CDON: variants seen among roughly 807,000 people sequenced by gnomAD.
CDON encodes cell adhesion associated, oncogene regulated.
In CDON, 73 loss-of-function variants were observed where a neutral mutation model predicts 120.9. The ratio of observed to expected loss-of-function variants is 0.60; its 90% CI spans 0.50 to 0.73. The LOEUF (loss-of-function observed/expected upper bound fraction) is 0.73, where lower values mean the gene tolerates loss of function less well. CDON is among the 30% of genes least tolerant of loss of function. CDON has a pLI of 0.00. For missense variants in CDON, 1,470 were observed against 1,587.3 expected (o/e 0.93, Z 1.26); for synonymous variants, 566 against 573.5 (o/e 0.99, Z 0.19).
chr11:125,985,672 C>T (rs1323643773), intron 15 of CDON, among the ~76,000 whole-genome samples: 2 of 152,168 alleles, frequency 1.3e-5, no homozygotes, highest in African/African-American at 2.4e-5. Flanking sequence ...AGAAGCAAAG[C>T]AGCTTTTTAA....
chr11:125,994,376 C>G lies in CDON; in HGVS notation c.2558G>C (p.Ser853Thr). The change falls in exon 14 of 20, where the codon AGT becomes ACT. Residue 853 changes from serine (S) to threonine (T), a missense_variant. Physicochemically the swap from Ser to Thr is moderately conservative, Grantham distance 58. Coordinates refer to ENST00000531738, the MANE Select transcript of CDON (RefSeq NM_001378964.1). ...IMLKWTYIPS[S>T]NNNTPIQGFY... ...TCCTTGAATGGGAGTGTTATTGTTA[C>G]TTGATGGAATGTACTAAAAAACAGA... 4 of 1,552,536 alleles carry G rather than the reference C, an allele frequency of 2.6e-6. No homozygotes were observed. Among genetic ancestry groups the G allele is most frequent in the Non-Finnish European group, 3.6e-6 (4 of 1,123,970 alleles).
At chr11:126,000,913 G>C (rs1946925012) in intron 11 of CDON, among the ~76,000 whole-genome samples, 1 of 152,028 alleles carries the variant, frequency 6.6e-6, no homozygotes, top group Non-Finnish European at 1.5e-5. Context: ...ATCACAAAAA[G>C]CACACCTGGC....
rs1427049715 is a variant in CDON, at chr11:126,015,052, C to T, written c.1198+189G>A. On this transcript the variant is annotated intron_variant, in intron 7 of 19. Coordinates refer to ENST00000531738, the MANE Select transcript of CDON (RefSeq NM_001378964.1). ...TTTTTTAAAAACTTTTTTTAATGAG[C>T]TTGATTAATAAGATTACTTCTTCAT... 3 of 630,566 alleles carry T rather than the reference C, an allele frequency of 4.8e-6. No homozygotes were observed. The African/African-American group carries it at 5.5e-5, about 12-fold the overall frequency. 39.1% of individuals were successfully genotyped at this position (630,566 alleles called of 1,614,324 possible).
intron 14 of CDON, among the ~76,000 whole-genome samples, chr11:125,993,680 A>G (rs1352362674): frequency 1.3e-5 from 2 of 152,216 alleles, no homozygotes; most frequent in African/African-American, 2.4e-5. Flanking sequence ...AGTGCACACA[A>G]GGAAACTGAA....
At chr11:125,988,393 T>C (rs995833960) in intron 15 of CDON, among the ~76,000 whole-genome samples, 4 of 152,168 alleles carry the variant, frequency 2.6e-5, no homozygotes, top group African/African-American at 9.7e-5. Context: ...TTTTTTCTTT[T>C]GAGACAAGGT....
intron 8 of CDON, among the ~76,000 whole-genome samples, chr11:126,008,135 G>C (rs1004420630): frequency 2.6e-5 from 4 of 152,074 alleles, no homozygotes; most frequent in African/African-American, 9.7e-5. Context: ...TCTCATTATA[G>C]TTTTAAAGAG....
At chr11:126,011,603 T>A (rs1337980214) in intron 7 of CDON, among the ~76,000 whole-genome samples, 1 of 152,262 alleles carries the variant, frequency 6.6e-6, no homozygotes, top group Non-Finnish European at 1.5e-5. Context: ...CGGAGTTCTC[T>A]GTATATACTA....
intron 1 of CDON, among the ~76,000 whole-genome samples, chr11:126,026,525 CT>C (rs1370983017): frequency 1.3e-5 from 2 of 152,214 alleles, no homozygotes; most frequent in South Asian, 2.1e-4. Context: ...TTAAGTACAG[CT>C]TTTAATAAAT....
At chr11:126,010,766 C>T in intron 7 of CDON, 72 bp from the exon 8 acceptor site, 1 of 1,222,208 alleles carries the variant, frequency 8.2e-7, no homozygotes, top group Non-Finnish European at 1.2e-6. Context: ...CAACTTCATC[C>T]TATCACGTAA....
At chr11:125,986,727 T>C (rs990346832) in intron 15 of CDON, among the ~76,000 whole-genome samples, 41 of 150,596 alleles carry the variant, frequency 2.7e-4, no homozygotes, top group Non-Finnish European at 4.6e-4. Flanking sequence ...ATCACACCAC[T>C]GCACTCCAGC....
chr11:125,964,951 G>A (rs1389012038), intron 18 of CDON, among the ~76,000 whole-genome samples: 1 of 152,196 alleles, frequency 6.6e-6, no homozygotes. Flanking sequence ...TTTTGAGAAG[G>A]AGTCTCGCTC....
chr11:125,979,523 A>C (rs1302066772), intron 17 of CDON, among the ~76,000 whole-genome samples: 1 of 152,198 alleles, frequency 6.6e-6, no homozygotes, highest in Non-Finnish European at 1.5e-5. Context: ...AACACTGTTA[A>C]AATTTCTCTA....
At chr11:125,981,739 G>C (rs1946307588) in intron 16 of CDON, among the ~76,000 whole-genome samples, 1 of 151,792 alleles carries the variant, frequency 6.6e-6, no homozygotes, top group Non-Finnish European at 1.5e-5. Flanking sequence ...GGCAATACTA[G>C]GAAAAAGTGC....
intron 18 of CDON, among the ~76,000 whole-genome samples, chr11:125,975,209 T>A (rs970117220): frequency 6.6e-6 from 1 of 152,220 alleles, no homozygotes; most frequent in African/African-American, 2.4e-5. Flanking sequence ...ATTACAGACA[T>A]AGAGATTTTT....
intron 4 of CDON, 130 bp from the exon 5 acceptor site, chr11:126,018,603 C>T: frequency 1.2e-6 from 1 of 807,288 alleles, no homozygotes; most frequent in East Asian, 2.6e-5. Context: ...GGGTCTCATT[C>T]TGTCACCCAG....
In CDON at chr11:126,005,993, G is replaced by GA; in HGVS notation, c.1616_1617insT (p.Arg540GlnfsTer3). The GA allele has an allele frequency of 6.2e-7, 1 of 1,614,060 alleles. No homozygotes were observed. The highest frequency in any genetic ancestry group is 8.5e-7 in the Non-Finnish European group (1 of 1,179,970). The stretch of plus-strand genomic sequence containing the variant: ...TTTCTGAACCATCTCTCTTACTTCT[G>GA]TCATCATTCTGAGCAGCATCAGGAA... On this transcript the variant is annotated frameshift_variant, in exon 9 of 20. Transcript: ENST00000531738. LOFTEE classifies it high-confidence loss of function.
At chr11:126,003,712 C>T (rs990493728) in intron 10 of CDON, among the ~76,000 whole-genome samples, 190 bp downstream of exon 10, 2 of 152,016 alleles carry the variant, frequency 1.3e-5, no homozygotes, top group East Asian at 1.9e-4. Context: ...CACAGCTACT[C>T]GGGAGGCTGA....
At chr11:126,002,271 A>C (rs1315893477) in intron 10 of CDON, among the ~76,000 whole-genome samples, 1 of 152,236 alleles carries the variant, frequency 6.6e-6, no homozygotes, top group Non-Finnish European at 1.5e-5. Flanking sequence ...AGAGGCAAAA[A>C]GTGAAATTGA....
intron 1 of CDON, among the ~76,000 whole-genome samples, chr11:126,033,715 G>A (rs1462746642): frequency 2.6e-5 from 4 of 152,092 alleles, no homozygotes; most frequent in Non-Finnish European, 5.9e-5. Context: ...GCTGTCCACA[G>A]GGGTTCTCCC....
Sources: gnomAD v4.1 joint callset for allele counts (sites outside exome capture counted in the v4.1 genomes callset) on GRCh38, gnomAD v4.1.1 for gene constraint, MANE v1.5 for transcripts, NCBI Gene and HGNC (gene_info 2026-07-23, HGNC 2026-07-21) for gene names.